Variants in CDH4 observed in about 807,000 individuals in gnomAD.
The protein encoded by CDH4 is cadherin 4.
A neutral mutation model predicts 86.0 loss-of-function variants in CDH4; 33 were observed. The observed-to-expected ratio is 0.38, with a 90% CI of 0.29 to 0.51. The LOEUF is 0.51. Ranked by LOEUF, CDH4 falls within the 20% of genes least tolerant of loss-of-function variation. The pLI is 0.86. For synonymous variants in CDH4, 555 were observed against 549.4 expected (o/e 1.01, Z -0.14); for missense variants, 1,114 against 1,307.4 (o/e 0.85, Z 2.28).
At chr20:61,626,144 C>G (rs1302726462) in intron 2 of CDH4, among the ~76,000 whole-genome samples, 1 of 152,204 alleles carries the variant, frequency 6.6e-6, no homozygotes, top group Non-Finnish European at 1.5e-5. Context: ...AGACCCTGCC[C>G]TTGGGAAGGG....
chr20:61,742,898 A>G (rs1399407982), intron 2 of CDH4, among the ~76,000 whole-genome samples: 1 of 151,956 alleles, frequency 6.6e-6, no homozygotes, highest in African/African-American at 2.4e-5. Context: ...TCTGACTTCA[A>G]CTCTGTTTCC....
At chr20:61,639,566 G>A (rs1045358319) in intron 2 of CDH4, among the ~76,000 whole-genome samples, 2 of 152,204 alleles carry the variant, frequency 1.3e-5, no homozygotes, top group African/African-American at 4.8e-5. Context: ...TTGCCTAAGA[G>A]GTCATCTTGA....
At chr20:61,721,586 A>C (rs2088042660) in intron 2 of CDH4, among the ~76,000 whole-genome samples, 1 of 152,214 alleles carries the variant, frequency 6.6e-6, no homozygotes, top group Non-Finnish European at 1.5e-5. Context: ...CTTTATCAAG[A>C]CTTCATGTCA....
chr20:61,478,294 C>T (rs1190391238), intron 2 of CDH4, among the ~76,000 whole-genome samples: 2 of 152,178 alleles, frequency 1.3e-5, no homozygotes, highest in Non-Finnish European at 2.9e-5. Flanking sequence ...TCCTGGGCAG[C>T]ACCAGGAGGC....
At chr20:61,731,958 T>C (rs2088195142) in intron 2 of CDH4, among the ~76,000 whole-genome samples, 2 of 152,064 alleles carry the variant, frequency 1.3e-5, no homozygotes, top group Non-Finnish European at 2.9e-5. Flanking sequence ...CCACTCCCCT[T>C]AGGAGATTCT....
At chr20:61,347,687 T>C (rs1331421849) in intron 2 of CDH4, among the ~76,000 whole-genome samples, 3 of 152,170 alleles carry the variant, frequency 2.0e-5, no homozygotes, top group Non-Finnish European at 2.9e-5. Flanking sequence ...TGTATATGCT[T>C]ATCAGGCAAA....
chr20:61,394,861 G>A (rs1275686064), intron 2 of CDH4, among the ~76,000 whole-genome samples: 2 of 138,454 alleles, frequency 1.4e-5, no homozygotes, highest in East Asian at 2.1e-4. Flanking sequence ...AGCAGTCCAT[G>A]GCCATGGGGC....
intron 2 of CDH4, among the ~76,000 whole-genome samples, chr20:61,364,434 G>A (rs1051066428): frequency 6.6e-6 from 1 of 152,182 alleles, no homozygotes; most frequent in Admixed American, 6.5e-5. Context: ...GCTCCCCATG[G>A]CCTTGGACTT....
At chr20:61,285,196 G>A (rs145531060) in intron 2 of CDH4, among the ~76,000 whole-genome samples, 199 of 152,320 alleles carry the variant, frequency 1.3e-3, no homozygotes, top group African/African-American at 4.0e-3. Flanking sequence ...AAAGTTTGGC[G>A]TTATTGGCAC....
chr20:61,285,909 C>T (rs1410710287), intron 2 of CDH4, among the ~76,000 whole-genome samples: 1 of 152,242 alleles, frequency 6.6e-6, no homozygotes, highest in Non-Finnish European at 1.5e-5. Flanking sequence ...CAACCTCTGG[C>T]CTCAGCAGGC....
At chr20:61,822,083 C>T (rs1280488033) in intron 4 of CDH4, among the ~76,000 whole-genome samples, 2 of 152,202 alleles carry the variant, frequency 1.3e-5, no homozygotes, top group African/African-American at 2.4e-5. Context: ...TGGGGCTCTG[C>T]GCTTTTATTT....
At chr20:61,379,321 C>T (rs113825949) in intron 2 of CDH4, among the ~76,000 whole-genome samples, 24 of 152,086 alleles carry the variant, frequency 1.6e-4, no homozygotes, top group African/African-American at 5.8e-4. Flanking sequence ...ATGCTCTGCT[C>T]TCACGGTCAC....
At chr20:61,589,392 G>A (rs1036563739) in intron 2 of CDH4, among the ~76,000 whole-genome samples, 2 of 152,204 alleles carry the variant, frequency 1.3e-5, no homozygotes, top group Non-Finnish European at 2.9e-5. Flanking sequence ...TAAATTGTTT[G>A]TGAAAGGGTA....
rs946950995 is a variant in CDH4, at chr20:61,704,665, C to T, written c.170-38898C>T. Among the ~76,000 whole-genome samples the T allele has an allele frequency of 7.2e-5, 11 of 152,318 alleles. No homozygotes were observed. The South Asian group carries it at 2.3e-3, about 32-fold the overall frequency. ...TTTTGAGTTTTCAAGATAAGCCAAA[C>T]ATCTGGGCTTTTTTAAAATATGGAA... On this transcript the variant is annotated intron_variant, in intron 2 of 15. Transcript: ENST00000614565.
At position 61,789,267 on chromosome 20, in the gene CDH4, T is replaced by C. The variant is rs1979038934; in HGVS notation, c.576+16085T>C. On this transcript the variant is annotated intron_variant, in intron 4 of 15. Transcript: ENST00000614565. ...GGTTTTCGATGGAGTTATGTTTGATTTCGGCTTTTGGGCTTCTGAGTTGTA... is the reference window on the plus strand; with the variant it reads ...GGTTTTCGATGGAGTTATGTTTGATCTCGGCTTTTGGGCTTCTGAGTTGTA... Among the ~76,000 whole-genome samples the C allele has an allele frequency of 2.0e-5, 3 of 152,234 alleles. No homozygotes were observed. In the South Asian group the frequency reaches 6.2e-4, roughly 32 times the overall value.
chr20:61,559,087 G>A (rs748961929), intron 2 of CDH4, among the ~76,000 whole-genome samples: 12 of 152,232 alleles, frequency 7.9e-5, no homozygotes, highest in Admixed American at 5.2e-4. Flanking sequence ...GGGAGGCTGA[G>A]GTGGGCGGAG....
chr20:61,601,842 C>G (rs761127693), intron 2 of CDH4, among the ~76,000 whole-genome samples: 3 of 152,242 alleles, frequency 2.0e-5, no homozygotes, highest in Non-Finnish European at 2.9e-5. Flanking sequence ...GGCTGCACAG[C>G]TCCATTCCTC....
chr20:61,749,797 G>A lies in CDH4; in HGVS notation c.396+6008G>A, dbSNP rs188238296. Among the ~76,000 whole-genome samples the A allele has an allele frequency of 9.8e-4, 149 of 152,292 alleles. 2 individuals are homozygous for A. The East Asian group carries it at 0.023, about 24-fold the overall frequency. On this transcript the variant is annotated intron_variant, in intron 3 of 15. Transcript: ENST00000614565. ...GAAAATTGGCTGGGCGTGGTGGCTC[G>A]TGCCTGTAATCCCAGCGCTTTGGGA...
intron 3 of CDH4, among the ~76,000 whole-genome samples, chr20:61,746,738 G>A (rs1164521427): frequency 6.6e-6 from 1 of 152,240 alleles, no homozygotes; most frequent in Admixed American, 6.5e-5. Context: ...TATTTCATGA[G>A]GTTATGGAGG....
Sources: gnomAD v4.1 joint callset for allele counts (sites outside exome capture counted in the v4.1 genomes callset) on GRCh38, gnomAD v4.1.1 for gene constraint, MANE v1.5 for transcripts, NCBI Gene and HGNC (gene_info 2026-07-23, HGNC 2026-07-21) for gene names.